Variants in HPSE2 observed in about 807,000 individuals in gnomAD.
HPSE2 encodes the protein heparanase 2 (inactive), also known as inactive heparanase-2.
A neutral mutation model predicts 60.5 loss-of-function variants in HPSE2; 38 were observed. The ratio of observed to expected loss-of-function variants is 0.63; its 90% CI spans 0.48 to 0.82. HPSE2 has a LOEUF of 0.82. Among genes scored for constraint, HPSE2 ranks in the 40% least tolerant of loss-of-function variants. HPSE2 has a pLI of 0.00. For synonymous variants in HPSE2, 295 were observed against 293.2 expected, an observed-to-expected ratio of 1.01 and a Z score of -0.06; for missense variants, 713 against 740.4, an observed-to-expected ratio of 0.96 and a Z score of 0.43.
chr10:98,643,672 A>G (rs562191311), intron 6 of HPSE2, among the ~76,000 whole-genome samples: 3 of 152,284 alleles, frequency 2.0e-5, no homozygotes, highest in African/African-American at 4.8e-5. Flanking sequence ...TGATTTTTGG[A>G]AAAAGATCAG....
intron 3 of HPSE2, among the ~76,000 whole-genome samples, chr10:98,953,434 G>T (rs982849874): frequency 2.7e-4 from 41 of 152,070 alleles, no homozygotes; most frequent in African/African-American, 9.9e-4. Context: ...GCAAGGACCT[G>T]GGCAGACTCA....
chr10:99,043,993 C>A (rs1589566413), intron 3 of HPSE2, among the ~76,000 whole-genome samples: 2 of 152,144 alleles, frequency 1.3e-5, no homozygotes, highest in African/African-American at 4.8e-5. Context: ...AGTTGGTATG[C>A]AAATCCAAGA....
intron 9 of HPSE2, among the ~76,000 whole-genome samples, chr10:98,607,400 C>T (rs1317453466): frequency 6.6e-6 from 1 of 152,130 alleles, no homozygotes; most frequent in Non-Finnish European, 1.5e-5. Flanking sequence ...TCAATTGTTG[C>T]TTCTCAGTGA....
intron 9 of HPSE2, among the ~76,000 whole-genome samples, chr10:98,550,834 C>T (rs1943842608): frequency 6.6e-6 from 1 of 152,008 alleles, no homozygotes; most frequent in African/African-American, 2.4e-5. Flanking sequence ...GTCTCCAACT[C>T]CTGGCTTCAA....
chr10:99,284,869 C>T, the HPSE2 span, among the ~76,000 whole-genome samples: 16 of 151,824 alleles, frequency 1.1e-4, no homozygotes, highest in African/African-American at 3.1e-4. Context: ...TACATATATA[C>T]CATGGAAAAT....
chr10:98,490,239 G>A, intron 9 of HPSE2, 43 bp from the exon 10 acceptor site: 1 of 1,595,906 alleles, frequency 6.3e-7, no homozygotes, highest in Non-Finnish European at 8.5e-7. Context: ...GAGAACACAT[G>A]CTCAGGTGTT....
At chr10:99,191,381 C>T (rs1214679374) in intron 2 of HPSE2, among the ~76,000 whole-genome samples, 2 of 151,844 alleles carry the variant, frequency 1.3e-5, no homozygotes, top group African/African-American at 2.4e-5. Flanking sequence ...GCTTAAGTCA[C>T]CTCTCCCCTA....
At chr10:99,259,025 T>C in the HPSE2 span, among the ~76,000 whole-genome samples, 2 of 151,948 alleles carry the variant, frequency 1.3e-5, no homozygotes, top group Non-Finnish European at 2.9e-5. Flanking sequence ...TTGTGAAAAA[T>C]AAAACATTTG....
At chr10:99,232,579 C>T in intron 1 of HPSE2, 74 bp from the exon 2 acceptor site, 1 of 1,484,294 alleles carries the variant, frequency 6.7e-7, no homozygotes, top group South Asian at 1.2e-5. Context: ...GAGAAGGGCC[C>T]TCTTCCTACT....
At chr10:98,465,069 G>A (rs1391011303) in intron 11 of HPSE2, among the ~76,000 whole-genome samples, 2 of 152,130 alleles carry the variant, frequency 1.3e-5, no homozygotes, top group African/African-American at 4.8e-5. Context: ...ATAAAGATGG[G>A]CCATGTGCTT....
intron 9 of HPSE2, among the ~76,000 whole-genome samples, chr10:98,544,174 A>G (rs1408987058): frequency 1.3e-5 from 2 of 152,186 alleles, no homozygotes; most frequent in Non-Finnish European, 2.9e-5. Context: ...GGATTAAGAA[A>G]CTCACCCAAA....
Position 98,939,548 on chromosome 10 carries a change from T to C in HPSE2, c.611-195492A>G, listed in dbSNP as rs979468328. Among the ~76,000 whole-genome samples, 9 of 143,760 alleles carry C rather than the reference T, an allele frequency of 6.3e-5. 1 individual carries two copies. Among genetic ancestry groups the C allele is most frequent in the African/African-American group, 2.0e-4 (7 of 35,226 alleles). The allele number at this position is 143,760 out of a possible 152,430, so 94.3% of individuals were successfully genotyped here. On this transcript the variant is annotated intron_variant, in intron 3 of 11. Coordinates refer to ENST00000370552, the MANE Select transcript of HPSE2 (RefSeq NM_021828.5). ...AAGAGCTAACTATCCTAAATATATA[T>C]GCACCCAATACAGGAGCACCCAGAT...
chr10:99,067,743 G>A (rs1164387567), intron 3 of HPSE2, among the ~76,000 whole-genome samples: 2 of 152,194 alleles, frequency 1.3e-5, no homozygotes, highest in Non-Finnish European at 2.9e-5. Flanking sequence ...TGCTGTGAAG[G>A]TCTCTGATTT....
the HPSE2 span, among the ~76,000 whole-genome samples, chr10:99,303,450 G>A: frequency 6.6e-6 from 1 of 152,066 alleles, no homozygotes; most frequent in Non-Finnish European, 1.5e-5. Flanking sequence ...CCTCCCCAAA[G>A]GGAAATAATT....
chr10:98,986,989 AG>A (rs1282321883), intron 3 of HPSE2, among the ~76,000 whole-genome samples: 1 of 152,134 alleles, frequency 6.6e-6, no homozygotes, highest in African/African-American at 2.4e-5. Flanking sequence ...TCCGAAATCG[AG>A]GCAATAATTA....
intron 11 of HPSE2, among the ~76,000 whole-genome samples, chr10:98,476,576 G>A (rs997101354): frequency 1.3e-5 from 2 of 152,122 alleles, no homozygotes; most frequent in African/African-American, 2.4e-5. Context: ...GATCACCTGA[G>A]GTCAGGAGTT....
At chr10:98,481,326 A>G (rs1941226385) in intron 11 of HPSE2, among the ~76,000 whole-genome samples, 1 of 152,238 alleles carries the variant, frequency 6.6e-6, no homozygotes, top group African/African-American at 2.4e-5. Flanking sequence ...TCTGAAGATT[A>G]GGAAACTGAG....
intron 6 of HPSE2, among the ~76,000 whole-genome samples, chr10:98,667,345 T>C (rs1947390657): frequency 2.0e-5 from 3 of 152,062 alleles, no homozygotes; most frequent in Admixed American, 2.0e-4. Context: ...TTCTACCAGA[T>C]GTACAAAGAA....
intron 9 of HPSE2, among the ~76,000 whole-genome samples, chr10:98,582,074 T>C (rs140530805): frequency 6.6e-5 from 10 of 152,280 alleles, no homozygotes; most frequent in South Asian, 6.2e-4. Flanking sequence ...TGGTACTACA[T>C]CCTCCTGCAC....
Sources: gnomAD v4.1 joint callset for allele counts (sites outside exome capture counted in the v4.1 genomes callset) on GRCh38, gnomAD v4.1.1 for gene constraint, MANE v1.5 for transcripts, NCBI Gene and HGNC (gene_info 2026-07-23, HGNC 2026-07-21) for gene names.